KMT2C: variants seen among roughly 807,000 people sequenced by gnomAD.
KMT2C encodes histone-lysine N-methyltransferase 2C.
KMT2C carries 88 observed loss-of-function variants against 507.9 expected under a neutral mutation model. The ratio of observed to expected loss-of-function variants is 0.17; its 90% CI spans 0.15 to 0.21. The LOEUF (loss-of-function observed/expected upper bound fraction) is 0.21, where lower values mean the gene tolerates loss of function less well. Among genes scored for constraint, KMT2C ranks in the 10% least tolerant of loss-of-function variants. KMT2C has a pLI of 1.00. For missense variants in KMT2C, 4,954 were observed against 5,957.8 expected (o/e 0.83, Z 5.55); for synonymous variants, 2,049 against 2,080.8 (o/e 0.98, Z 0.42).
Position 152,297,032 on chromosome 7 carries a change from A to AGAAG in KMT2C, c.849+12933_849+12934insCTTC, listed in dbSNP as rs2096510235. ...AAGAAAGAAAGAAAGAAAGAAAGAA[A>AGAAG]GAAAGAAAGAAAGAAAGAAAGACAG... On this transcript the variant is annotated intron_variant, in intron 6 of 58. Coordinates refer to ENST00000262189, the MANE Select transcript of KMT2C (RefSeq NM_170606.3). Among the ~76,000 whole-genome samples, 24 of 100,620 alleles carry AGAAG rather than the reference A, an allele frequency of 2.4e-4. 1 individual carries two copies. In the South Asian group the frequency reaches 8.4e-3, roughly 35 times the overall value. 66.0% of individuals were successfully genotyped at this position (100,620 alleles called of 152,430 possible). A position where few individuals can be genotyped will look rare whatever the true frequency, so the allele number is the denominator to read the frequency against.
intron 1 of KMT2C, among the ~76,000 whole-genome samples, chr7:152,390,621 T>C (rs2097485291): frequency 6.6e-6 from 1 of 152,166 alleles, no homozygotes; most frequent in African/African-American, 2.4e-5. Context: ...ATGTCCCCTA[T>C]TTTTCGGATA....
chr7:152,182,615 A>C lies in KMT2C; in HGVS notation c.5266-21T>G, dbSNP rs781500666. 2.1e-5 allele frequency: 32 copies of C among 1,525,080 alleles called. No individual in the cohort carries two copies. The Admixed American group carries it at 7.0e-4, about 33-fold the overall frequency. The allele number at this position is 1,525,080 out of a possible 1,614,324, so 94.5% of individuals were successfully genotyped here. A position where few individuals can be genotyped will look rare whatever the true frequency, so the allele number is the denominator to read the frequency against. On this transcript the variant is annotated intron_variant, in intron 35 of 58. Transcript: ENST00000262189. Reference sequence around the variant, plus strand: ...ATTTGCTATTAAAATAGAAAAGAAAAAGCAATCATATTTAGGTTAAGGAAG... The same window carrying C: ...ATTTGCTATTAAAATAGAAAAGAAACAGCAATCATATTTAGGTTAAGGAAG...
At chr7:152,331,215 G>A (rs997147827) in intron 2 of KMT2C, among the ~76,000 whole-genome samples, 1 of 152,052 alleles carries the variant, frequency 6.6e-6, no homozygotes, top group Non-Finnish European at 1.5e-5. Context: ...GGCTGAGATG[G>A]AAGGATATGC....
intron 6 of KMT2C, among the ~76,000 whole-genome samples, chr7:152,275,175 C>G (rs1412352065): frequency 6.6e-6 from 1 of 152,194 alleles, no homozygotes; most frequent in Non-Finnish European, 1.5e-5. Flanking sequence ...TCACTGTCAT[C>G]AGTCTACTGC....
chr7:152,413,620 C>T (rs1360179293), intron 1 of KMT2C, among the ~76,000 whole-genome samples: 10 of 152,094 alleles, frequency 6.6e-5, no homozygotes, highest in Non-Finnish European at 1.5e-4. Flanking sequence ...CATGGTGGCT[C>T]ACGCCTGTAA....
At chr7:152,296,445 A>AAAAAGAG (rs1309213611) in intron 6 of KMT2C, among the ~76,000 whole-genome samples, 4 of 149,496 alleles carry the variant, frequency 2.7e-5, no homozygotes, top group African/African-American at 1.0e-4. Context: ...AAAAAAAAAA[A>AAAAAGAG]AGAGAGAGAG....
rs531034008 is a variant in KMT2C at position 152,190,869 on chromosome 7, A to G, written c.4661-3022T>C. On this transcript the variant is annotated intron_variant, in intron 31 of 58. Transcript: ENST00000262189. Reference sequence around the variant, plus strand: ...AACAACCTTCCCATGGTCCAATGAAACAATGTTTTTCAAGTAGTCATGTTA... The same window carrying G: ...AACAACCTTCCCATGGTCCAATGAAGCAATGTTTTTCAAGTAGTCATGTTA... 5.9e-5 allele frequency among the ~76,000 whole-genome samples: 9 copies of G among 152,276 alleles called. No homozygotes were observed. In the East Asian group the frequency reaches 1.7e-3, roughly 29 times the overall value.
chr7:152,177,590 C>T lies in KMT2C; in HGVS notation c.7863G>A (p.Val2621=), dbSNP rs1408841125. Residue 2621 remains valine (V), a synonymous_variant, in exon 38 of 59, where the codon GTG becomes GTA. Transcript: ENST00000262189. The part of the protein sequence containing the change: ...PPQGLPNQLP[V]HPDLEQVPPS... ...GTGGCACTTGTTCCAAATCTGGGTG[C>T]ACAGGTAGCTGATTAGGTAGACCCT... is the stretch of plus-strand genomic sequence containing the variant. 2.5e-6 allele frequency: 4 copies of T among 1,613,992 alleles called. No homozygotes were observed. Among genetic ancestry groups the T allele is most frequent in the African/African-American group, 1.3e-5 (1 of 74,894 alleles).
intron 18 of KMT2C, among the ~76,000 whole-genome samples, chr7:152,228,365 C>CA (rs1204960580): frequency 2.6e-5 from 4 of 152,194 alleles, no homozygotes; most frequent in East Asian, 3.8e-4. Flanking sequence ...TCAAAGGTAT[C>CA]AAACTTATCC....
Position 152,230,325 on chromosome 7 carries a change from T to C in KMT2C, c.2770-4A>G, listed in dbSNP as rs537021450. 23 of 1,401,768 alleles carry C rather than the reference T, an allele frequency of 1.6e-5. No individual in the cohort carries two copies. The South Asian group carries it at 2.6e-4, about 16-fold the overall frequency. 86.8% of individuals were successfully genotyped at this position (1,401,768 alleles called of 1,614,324 possible). A position where few individuals can be genotyped will look rare whatever the true frequency, so the allele number is the denominator to read the frequency against. On this transcript the variant is annotated splice_polypyrimidine_tract_variant and splice_region_variant and intron_variant, in intron 16 of 58. Transcript: ENST00000262189. Reference sequence around the variant, plus strand: ...ATGAAATATCTGCAGTAGACACCTATAAAAAGCAAAATACACAGAATACGA... The same window carrying C: ...ATGAAATATCTGCAGTAGACACCTACAAAAAGCAAAATACACAGAATACGA...
intron 37 of KMT2C, among the ~76,000 whole-genome samples, chr7:152,179,315 A>G (rs2093344959): frequency 6.6e-6 from 1 of 152,238 alleles, no homozygotes; most frequent in African/African-American, 2.4e-5. Flanking sequence ...TTTAGAATGT[A>G]AAGTTAAAAG....
intron 3 of KMT2C, among the ~76,000 whole-genome samples, chr7:152,327,059 G>C (rs2096835540): frequency 6.6e-6 from 1 of 152,126 alleles, no homozygotes; most frequent in Non-Finnish European, 1.5e-5. Context: ...ACTCTGTCCT[G>C]TCTAATGAAA....
chr7:152,248,279 T>C lies in KMT2C; in HGVS notation c.2155A>G (p.Arg719Gly). The change falls in exon 14 of 59, where the codon AGG (arginine) becomes GGG (glycine). Residue 719 changes from arginine (R) to glycine (G), a missense_variant. This residue lies in a region of KMT2C where 376 missense variants were observed against 352.4 expected (regional missense o/e 1.07). Transcript: ENST00000262189. Reference sequence around the variant, plus strand: ...TTCTGTTCCTTTTCTCCTTGTAGCCTTTCTATAACCAACTGTTCCTCAGGA... The same window carrying C: ...TTCTGTTCCTTTTCTCCTTGTAGCCCTTCTATAACCAACTGTTCCTCAGGA... ...LCPEEQLVIE[R>G]LQGEKEQKEN... is the part of the protein sequence containing the mutation. 1 of 1,613,914 alleles carries C rather than the reference T, an allele frequency of 6.2e-7. No homozygotes were observed. Among genetic ancestry groups the C allele is most frequent in the Non-Finnish European group, 8.5e-7 (1 of 1,179,798 alleles).
rs184927973 is a variant in KMT2C, at chr7:152,317,484, C to T, written c.390-2146G>A. 6.9e-4 allele frequency among the ~76,000 whole-genome samples: 105 copies of T among 152,272 alleles called. 1 individual carries two copies. Among genetic ancestry groups the T allele is most frequent in the African/African-American group, 2.3e-3 (95 of 41,530 alleles). On this transcript the variant is annotated intron_variant, in intron 3 of 58. Coordinates refer to ENST00000262189, the MANE Select transcript of KMT2C (RefSeq NM_170606.3). ...CAGAAATCACAAGGCAACCAACTCACCACCAAATGAAAGACACTTCCATAA... is the reference window on the plus strand; with the variant it reads ...CAGAAATCACAAGGCAACCAACTCATCACCAAATGAAAGACACTTCCATAA...
chr7:152,329,810 A>G (rs1265460010), intron 3 of KMT2C, among the ~76,000 whole-genome samples: 1 of 151,992 alleles, frequency 6.6e-6, no homozygotes, highest in Non-Finnish European at 1.5e-5. Context: ...TCTTTCAAAT[A>G]AGGTCTAAAA....
intron 33 of KMT2C, 105 bp downstream of exon 33, chr7:152,187,155 CAT>C: frequency 1.2e-6 from 1 of 831,878 alleles, no homozygotes; most frequent in Middle Eastern, 3.4e-4. Context: ...TGTGGGTCAT[CAT>C]AGACAAAAAT....
Position 152,274,783 on chromosome 7 carries a change from C to T in KMT2C, c.850-916G>A, listed in dbSNP as rs534588913. ...ATTACATGGTACTTACTTGCTTATG[C>T]CATTACATGATCAGTTTATCTTTTC... On this transcript the variant is annotated intron_variant, in intron 6 of 58. Transcript: ENST00000262189. 9.2e-5 allele frequency among the ~76,000 whole-genome samples: 14 copies of T among 152,280 alleles called. No homozygotes were observed. The South Asian group carries it at 2.7e-3, about 29-fold the overall frequency.
At chr7:152,301,274 G>C (rs2096565632) in intron 6 of KMT2C, among the ~76,000 whole-genome samples, 1 of 151,668 alleles carries the variant, frequency 6.6e-6, no homozygotes, top group African/African-American at 2.4e-5. Flanking sequence ...GGAGGCCGAA[G>C]TGGGCAAATC....
chr7:152,407,894 A>G (rs1372434851), intron 1 of KMT2C, among the ~76,000 whole-genome samples: 2 of 152,250 alleles, frequency 1.3e-5, no homozygotes, highest in African/African-American at 4.8e-5. Context: ...ACTATTAGTT[A>G]CATTTAAAAT....
Sources: gnomAD v4.1 joint callset for allele counts (sites outside exome capture counted in the v4.1 genomes callset) on GRCh38, gnomAD v4.1.1 for gene constraint, gnomAD v4.1.1 regional missense constraint, MANE v1.5 for transcripts, NCBI Gene and HGNC (gene_info 2026-07-23, HGNC 2026-07-21) for gene names.